NPSR1: variants seen among roughly 807,000 people sequenced by gnomAD.
The protein encoded by NPSR1 is neuropeptide S receptor.
In NPSR1, 48 loss-of-function variants were observed where a neutral mutation model predicts 46.9. The ratio of observed to expected loss-of-function variants is 1.02; its 90% CI spans 0.81 to 1.30. NPSR1 has a LOEUF of 1.30. Among genes scored for constraint, NPSR1 ranks in the 50% most tolerant of loss-of-function variants. The pLI, the probability that NPSR1 is intolerant of heterozygous loss-of-function variation, is 0.00. For synonymous variants in NPSR1, 176 were observed against 168.1 expected (o/e 1.05, Z -0.36); for missense variants, 450 against 449.5 (o/e 1.00, Z -0.01).
chr7:34,807,121 C>T (rs986189635), intron 3 of NPSR1, among the ~76,000 whole-genome samples: 4 of 151,894 alleles, frequency 2.6e-5, no homozygotes, highest in African/African-American at 4.8e-5. Flanking sequence ...CTTCTTGACT[C>T]GAGTTAATTA....
chr7:34,739,175 T>C (rs572427070), intron 2 of NPSR1, among the ~76,000 whole-genome samples: 74 of 152,360 alleles, frequency 4.9e-4, no homozygotes, highest in African/African-American at 1.7e-3. Flanking sequence ...AGCTTTTGGC[T>C]ATTGGGAATG....
intron 3 of NPSR1, among the ~76,000 whole-genome samples, chr7:34,780,875 C>T (rs2128738008): frequency 6.6e-6 from 1 of 152,216 alleles, no homozygotes; most frequent in African/African-American, 2.4e-5. Flanking sequence ...AACGTTTCTC[C>T]TCTGGGCATT....
At chr7:34,664,774 T>C (rs1269669446) in intron 1 of NPSR1, among the ~76,000 whole-genome samples, 3 of 152,194 alleles carry the variant, frequency 2.0e-5, no homozygotes, top group Non-Finnish European at 4.4e-5. Context: ...AAGAGCAAAT[T>C]ATGCCCTATC....
At chr7:34,680,348 AC>A (rs1646262991) in intron 1 of NPSR1, among the ~76,000 whole-genome samples, 1 of 152,186 alleles carries the variant, frequency 6.6e-6, no homozygotes, top group Non-Finnish European at 1.5e-5. Flanking sequence ...AACCAACATT[AC>A]CCAGTTAGAG....
chr7:34,667,984 CAT>C, intron 1 of NPSR1, among the ~76,000 whole-genome samples: 1 of 152,014 alleles, frequency 6.6e-6, no homozygotes, highest in East Asian at 1.9e-4. Flanking sequence ...ACCCCCCTAA[CAT>C]ATGTTAGGGG....
chr7:34,825,671 C>G (rs1054466727), intron 4 of NPSR1, among the ~76,000 whole-genome samples: 6 of 152,176 alleles, frequency 3.9e-5, no homozygotes, highest in African/African-American at 1.4e-4. Context: ...CAAGACCCCA[C>G]AGGATAATTT....
chr7:34,782,653 C>T lies in NPSR1; in HGVS notation c.384+4088C>T, dbSNP rs180749017. Among the ~76,000 whole-genome samples the T allele has an allele frequency of 2.6e-5, 4 of 152,186 alleles. No homozygotes were observed. In the East Asian group the frequency reaches 5.8e-4, roughly 22 times the overall value. On this transcript the variant is annotated intron_variant, in intron 3 of 8. Coordinates refer to ENST00000360581, the MANE Select transcript of NPSR1 (RefSeq NM_207172.2). Reference sequence around the variant, plus strand: ...TCTTTTTGGTTTTGTTGATGTTTATCTTTCCCTTATATTGATGTGTGTGCA... The same window carrying T: ...TCTTTTTGGTTTTGTTGATGTTTATTTTTCCCTTATATTGATGTGTGTGCA...
chr7:34,683,170 G>A (rs1170431994), intron 1 of NPSR1, among the ~76,000 whole-genome samples: 3 of 152,136 alleles, frequency 2.0e-5, no homozygotes, highest in African/African-American at 7.2e-5. Flanking sequence ...AAGGCCAGGT[G>A]CGGTGGCTCA....
chr7:34,811,980 T>G, intron 4 of NPSR1, 117 bp downstream of exon 4: 1 of 663,838 alleles, frequency 1.5e-6, no homozygotes, highest in South Asian at 1.8e-5. Context: ...TTCCTTCTCT[T>G]TCTTCTCTCT....
chr7:34,755,952 G>A (rs1341120881), intron 2 of NPSR1, among the ~76,000 whole-genome samples: 1 of 152,182 alleles, frequency 6.6e-6, no homozygotes, highest in Non-Finnish European at 1.5e-5. Flanking sequence ...TGAGACCGAA[G>A]GAGGTTAAAT....
At chr7:34,826,810 G>T (rs1343942209) in intron 4 of NPSR1, among the ~76,000 whole-genome samples, 1 of 151,026 alleles carries the variant, frequency 6.6e-6, no homozygotes, top group African/African-American at 2.4e-5. Context: ...TTTCTGGGCT[G>T]GTTTTGAATG....
chr7:34,828,631 T>C (rs963975821), intron 5 of NPSR1, among the ~76,000 whole-genome samples: 3 of 152,240 alleles, frequency 2.0e-5, no homozygotes, highest in African/African-American at 7.2e-5. Flanking sequence ...TAACACATTG[T>C]AAGCAAAGGA....
intron 6 of NPSR1, among the ~76,000 whole-genome samples, chr7:34,841,354 A>G (rs750432093): frequency 1.1e-4 from 16 of 152,204 alleles, no homozygotes; most frequent in Non-Finnish European, 1.9e-4. Flanking sequence ...TGGGAAGGTG[A>G]AGAGCCAGAA....
chr7:34,765,391 A>G lies in NPSR1; in HGVS notation c.281-13071A>G, dbSNP rs140315162. ...AATAATTACAATGAATAAGAAAAAT[A>G]CATTAAAAATACTTCATGAAAGAGG... On this transcript the variant is annotated intron_variant, in intron 2 of 8. Transcript: ENST00000360581. Among the ~76,000 whole-genome samples the G allele has an allele frequency of 1.1e-3, 167 of 152,350 alleles. 1 individual carries two copies. Among genetic ancestry groups the G allele is most frequent in the African/African-American group, 3.9e-3 (164 of 41,576 alleles).
intron 3 of NPSR1, among the ~76,000 whole-genome samples, chr7:34,805,732 T>A (rs1056962219): frequency 1.3e-5 from 2 of 151,928 alleles, no homozygotes; most frequent in African/African-American, 4.8e-5. Context: ...GGACACTGTT[T>A]AAGAGAATGA....
intron 4 of NPSR1, among the ~76,000 whole-genome samples, chr7:34,815,415 T>G (rs771546397): frequency 2.0e-5 from 3 of 152,106 alleles, no homozygotes; most frequent in Non-Finnish European, 4.4e-5. Context: ...AGAAATATGG[T>G]ACTATGTGAA....
intron 2 of NPSR1, among the ~76,000 whole-genome samples, chr7:34,696,382 G>A (rs895059598): frequency 4.6e-5 from 7 of 152,008 alleles, no homozygotes; most frequent in Non-Finnish European, 7.4e-5. Context: ...TTTAGGTAAT[G>A]GGTACACTGG....
intron 2 of NPSR1, among the ~76,000 whole-genome samples, chr7:34,703,123 G>T (rs1233227927): frequency 6.6e-6 from 1 of 152,218 alleles, no homozygotes; most frequent in Non-Finnish European, 1.5e-5. Context: ...ACTTTGGGAG[G>T]CCAAGGCGGG....
chr7:34,851,787 G>A (rs1217601325), downstream of NPSR1, among the ~76,000 whole-genome samples: 2 of 152,170 alleles, frequency 1.3e-5, no homozygotes, highest in Admixed American at 6.5e-5. Context: ...GGAGTGAGGG[G>A]CGTTGTGATC....
Sources: gnomAD v4.1 joint callset for allele counts (sites outside exome capture counted in the v4.1 genomes callset) on GRCh38, gnomAD v4.1.1 for gene constraint, MANE v1.5 for transcripts, NCBI Gene and HGNC (gene_info 2026-07-23, HGNC 2026-07-21) for gene names.